Variants in CADM2 observed in about 807,000 individuals in gnomAD.
CADM2 encodes the protein cell adhesion molecule 2.
A neutral mutation model predicts 49.8 loss-of-function variants in CADM2; 12 were observed. The observed-to-expected ratio is 0.24, with a 90% CI of 0.15 to 0.39. CADM2 has a LOEUF of 0.39. Among genes scored for constraint, CADM2 ranks in the 10% least tolerant of loss-of-function variants. The probability of loss-of-function intolerance (pLI) is 1.00; values close to 1 mark genes in which losing one functional copy is unlikely to be tolerated. For synonymous variants in CADM2, 214 were observed against 175.4 expected, an observed-to-expected ratio of 1.22 and a Z score of -1.74; for missense variants, 378 against 492.3, an observed-to-expected ratio of 0.77 and a Z score of 2.20.
At chr3:85,016,950 G>A (rs756013114) in intron 1 of CADM2, among the ~76,000 whole-genome samples, 10 of 152,110 alleles carry the variant, frequency 6.6e-5, no homozygotes, top group Non-Finnish European at 8.8e-5. Context: ...GCAACATCAA[G>A]GAATGTCTAG....
intron 1 of CADM2, among the ~76,000 whole-genome samples, chr3:85,254,124 A>G (rs1486589362): frequency 6.6e-6 from 1 of 152,078 alleles, no homozygotes; most frequent in Admixed American, 6.6e-5. Flanking sequence ...CACTGGGTTT[A>G]ATTTGCTAGA....
intron 1 of CADM2, among the ~76,000 whole-genome samples, chr3:85,103,655 A>T (rs1023906823): frequency 6.6e-6 from 1 of 152,200 alleles, no homozygotes; most frequent in African/African-American, 2.4e-5. Flanking sequence ...ATTTTCAGAG[A>T]TGAAAAATAT....
chr3:85,709,448 TTC>T, intron 1 of CADM2, among the ~76,000 whole-genome samples: 1 of 152,162 alleles, frequency 6.6e-6, no homozygotes, highest in Non-Finnish European at 1.5e-5. Flanking sequence ...TATAGTTTAT[TTC>T]TCTCTAAGAG....
At chr3:85,417,466 AC>A in intron 1 of CADM2, among the ~76,000 whole-genome samples, 1 of 152,290 alleles carries the variant, frequency 6.6e-6, no homozygotes. Context: ...GATGTCACCA[AC>A]CTATGTTAAG....
intron 6 of CADM2, among the ~76,000 whole-genome samples, chr3:85,924,363 A>G (rs1221455558): frequency 6.6e-6 from 1 of 151,986 alleles, no homozygotes; most frequent in Non-Finnish European, 1.5e-5. Flanking sequence ...GCCAAGGCAG[A>G]TGGATCACTT....
At chr3:85,574,238 A>T (rs1450306635) in intron 1 of CADM2, among the ~76,000 whole-genome samples, 1 of 152,130 alleles carries the variant, frequency 6.6e-6, no homozygotes, top group Admixed American at 6.6e-5. Context: ...CACTGCTCTC[A>T]CTCCATGGCT....
At chr3:85,848,419 T>C (rs1174274528) in intron 3 of CADM2, among the ~76,000 whole-genome samples, 1 of 152,120 alleles carries the variant, frequency 6.6e-6, no homozygotes, top group African/African-American at 2.4e-5. Context: ...GTATGCAATA[T>C]AACATTTTGA....
At chr3:85,104,104 A>C (rs905930479) in intron 1 of CADM2, among the ~76,000 whole-genome samples, 10 of 151,756 alleles carry the variant, frequency 6.6e-5, no homozygotes, top group African/African-American at 2.4e-4. Context: ...TTGGTGTTTT[A>C]GACATGAAGT....
intron 1 of CADM2, among the ~76,000 whole-genome samples, chr3:85,431,935 A>G (rs2036699626): frequency 7.5e-6 from 1 of 132,734 alleles, no homozygotes; most frequent in African/African-American, 2.7e-5. Flanking sequence ...TTTATAGAGT[A>G]GGCTAGGAAG....
At chr3:85,505,488 C>A (rs1026241481) in intron 1 of CADM2, among the ~76,000 whole-genome samples, 4 of 152,082 alleles carry the variant, frequency 2.6e-5, no homozygotes, top group Non-Finnish European at 5.9e-5. Flanking sequence ...ATCAGAACCA[C>A]CTGTGGAGGT....
At chr3:86,033,752 AAT>A (rs1207610582) in intron 8 of CADM2, among the ~76,000 whole-genome samples, 45 of 145,760 alleles carry the variant, frequency 3.1e-4, no homozygotes, top group Middle Eastern at 3.6e-3. Flanking sequence ...CCCATAAAGA[AAT>A]ATATATATAT....
Position 85,387,878 on chromosome 3 carries a change from T to C in CADM2, c.62-338644T>C, listed in dbSNP as rs2034319252. 5.3e-5 allele frequency among the ~76,000 whole-genome samples: 8 copies of C among 152,200 alleles called. No homozygotes were observed. The South Asian group carries it at 1.7e-3, about 32-fold the overall frequency. ...ATAGCACCCAAGTTCTATAGCACCA[T>C]AAAGAATCTAAATATAGTTCCTTTG... On this transcript the variant is annotated intron_variant, in intron 1 of 9. Coordinates refer to ENST00000383699, the MANE Select transcript of CADM2 (RefSeq NM_001167675.2).
At chr3:85,681,057 G>A (rs1366250223) in intron 1 of CADM2, among the ~76,000 whole-genome samples, 1 of 152,090 alleles carries the variant, frequency 6.6e-6, no homozygotes, top group African/African-American at 2.4e-5. Flanking sequence ...TGTGTTAACA[G>A]GGCTCTTTTA....
intron 1 of CADM2, among the ~76,000 whole-genome samples, chr3:85,384,913 G>T (rs1317640754): frequency 6.6e-6 from 1 of 151,804 alleles, no homozygotes; most frequent in East Asian, 1.9e-4. Flanking sequence ...CTCCAATAAA[G>T]CTTTGTTTAC....
chr3:85,985,314 C>G (rs758334736), intron 8 of CADM2, among the ~76,000 whole-genome samples: 4 of 151,810 alleles, frequency 2.6e-5, no homozygotes, highest in Non-Finnish European at 4.4e-5. Context: ...AAGTACATAT[C>G]ACGTTCATGA....
At chr3:85,622,023 T>C (rs2107492294) in intron 1 of CADM2, among the ~76,000 whole-genome samples, 1 of 152,328 alleles carries the variant, frequency 6.6e-6, no homozygotes, top group South Asian at 2.1e-4. Flanking sequence ...GATGAAAATG[T>C]GTATACACAA....
At chr3:85,527,184 G>C (rs1357877635) in intron 1 of CADM2, among the ~76,000 whole-genome samples, 1 of 151,954 alleles carries the variant, frequency 6.6e-6, no homozygotes, top group East Asian at 2.0e-4. Flanking sequence ...TGAGAAATTT[G>C]AGACCAGACT....
chr3:85,154,349 A>C (rs1236855603), intron 1 of CADM2, among the ~76,000 whole-genome samples: 1 of 152,178 alleles, frequency 6.6e-6, no homozygotes, highest in Non-Finnish European at 1.5e-5. Context: ...GCGATGGAAG[A>C]TGAAATGAAT....
intron 2 of CADM2, among the ~76,000 whole-genome samples, chr3:85,767,981 ATC>A (rs1296453409): frequency 1.3e-5 from 2 of 152,086 alleles, no homozygotes; most frequent in African/African-American, 4.8e-5. Context: ...AAATTATCAT[ATC>A]TGTTTTGTTG....
Sources: gnomAD v4.1 joint callset for allele counts (sites outside exome capture counted in the v4.1 genomes callset) on GRCh38, gnomAD v4.1.1 for gene constraint, MANE v1.5 for transcripts, NCBI Gene and HGNC (gene_info 2026-07-23, HGNC 2026-07-21) for gene names.